SFMBT2: variants seen among roughly 807,000 people sequenced by gnomAD.
The protein encoded by SFMBT2 is Scm like with four mbt domains 2.
In SFMBT2, 38 loss-of-function variants were observed where a neutral mutation model predicts 110.1. That is an observed-to-expected ratio of 0.35 (90% CI 0.27 to 0.45). The LOEUF (loss-of-function observed/expected upper bound fraction) is 0.45, where lower values mean the gene tolerates loss of function less well. SFMBT2 is among the 20% of genes least tolerant of loss of function. The pLI is 1.00. For synonymous variants in SFMBT2, 425 were observed against 425.4 expected (o/e 1.00, Z 0.01); for missense variants, 1,011 against 1,094.9 (o/e 0.92, Z 1.08).
At chr10:7,265,240 C>T (rs1235179508) in intron 7 of SFMBT2, among the ~76,000 whole-genome samples, 1 of 150,008 alleles carries the variant, frequency 6.7e-6, no homozygotes, top group Non-Finnish European at 1.5e-5. Context: ...CTCGCTCTGT[C>T]TCCCAGACTG....
At position 7,170,880 on chromosome 10, in the gene SFMBT2, T is replaced by A. The variant is rs1221775219; in HGVS notation, c.2544+48A>T. The A allele has an allele frequency of 3.1e-6, 5 of 1,611,996 alleles. No individual in the cohort carries two copies. Among genetic ancestry groups the A allele is most frequent in the Non-Finnish European group, 2.5e-6 (3 of 1,178,586 alleles). On this transcript the variant is annotated intron_variant, in intron 20 of 20. Transcript: ENST00000397167. This position sits in a 1 kb window ranked among gnomAD's most constrained non-coding sequence, Gnocchi z 4.6. ...GCTAGGACACGAGGTTCATTTCAGA[T>A]GCAGAGTCTCAGCACATCAAACAAT...
At chr10:7,400,018 T>G (rs1396510441) in intron 1 of SFMBT2, among the ~76,000 whole-genome samples, 3 of 152,152 alleles carry the variant, frequency 2.0e-5, no homozygotes, top group Non-Finnish European at 4.4e-5. Flanking sequence ...CTGTGATGTT[T>G]GACAAGCCGG....
At chr10:7,274,077 C>A (rs749218025) in intron 7 of SFMBT2, among the ~76,000 whole-genome samples, 1 of 152,204 alleles carries the variant, frequency 6.6e-6, no homozygotes, top group Non-Finnish European at 1.5e-5. Context: ...GGCACATATA[C>A]ACCATGGAAT....
At chr10:7,371,461 C>T (rs1440110950) in intron 2 of SFMBT2, among the ~76,000 whole-genome samples, 1 of 152,188 alleles carries the variant, frequency 6.6e-6, no homozygotes, top group African/African-American at 2.4e-5. Context: ...CAAATCCACA[C>T]ACCCAGGCTT....
At chr10:7,318,537 A>G (rs1304554594) in intron 4 of SFMBT2, among the ~76,000 whole-genome samples, 1 of 152,246 alleles carries the variant, frequency 6.6e-6, no homozygotes, top group Non-Finnish European at 1.5e-5. Context: ...GACTTGAATG[A>G]GTGAAATAAC....
At chr10:7,312,343 A>G (rs1227185051) in intron 4 of SFMBT2, among the ~76,000 whole-genome samples, 1 of 152,252 alleles carries the variant, frequency 6.6e-6, no homozygotes, top group African/African-American at 2.4e-5. Flanking sequence ...ACGCAGCCAA[A>G]CTACCAACGG....
chr10:7,251,398 T>C lies in SFMBT2; in HGVS notation c.871-2749A>G, dbSNP rs111391413. 2.5e-3 allele frequency among the ~76,000 whole-genome samples: 386 copies of C among 152,080 alleles called. 1 individual carries two copies. Among genetic ancestry groups the C allele is most frequent in the African/African-American group, 8.6e-3 (358 of 41,494 alleles). ...CAGAGGCAGGACAATCATTTGAGCC[T>C]GGGAGGCAGAGGTTGCAATGAGCCG... On this transcript the variant is annotated intron_variant, in intron 7 of 20. Coordinates refer to ENST00000397167, the MANE Select transcript of SFMBT2 (RefSeq NM_001387889.1).
At chr10:7,231,242 T>C (rs1387400004) in intron 9 of SFMBT2, among the ~76,000 whole-genome samples, 1 of 152,210 alleles carries the variant, frequency 6.6e-6, no homozygotes, top group East Asian at 1.9e-4. Flanking sequence ...AGACGGACTT[T>C]GTTAAAGTCA....
At chr10:7,194,690 A>G (rs2131589302) in intron 15 of SFMBT2, among the ~76,000 whole-genome samples, 1 of 152,216 alleles carries the variant, frequency 6.6e-6, no homozygotes, top group Middle Eastern at 3.4e-3. Context: ...TTTTTCTTGC[A>G]CTCACAGAAC....
intron 4 of SFMBT2, among the ~76,000 whole-genome samples, chr10:7,366,915 C>A (rs1844924197): frequency 6.6e-6 from 1 of 152,174 alleles, no homozygotes; most frequent in Non-Finnish European, 1.5e-5. Flanking sequence ...ACCAAAAATG[C>A]CTCCAGATAT....
chr10:7,177,868 A>AAAAG (rs545651948), intron 16 of SFMBT2, among the ~76,000 whole-genome samples: 4,417 of 151,124 alleles, frequency 0.029, 79 homozygotes, highest in Non-Finnish European at 0.046. Flanking sequence ...TTAAAAAAAA[A>AAAAG]AAGAAGAAGA....
rs1837826002 is a variant in SFMBT2, at chr10:7,170,084, T to G, written c.2544+844A>C. ...CCCTCCTTCTCCCACTAGGCCTAAG[T>G]AAGATCCATGGGCATTATATACAAA... On this transcript the variant is annotated intron_variant, in intron 20 of 20. Coordinates refer to ENST00000397167, the MANE Select transcript of SFMBT2 (RefSeq NM_001387889.1). The surrounding 1 kb of genome is among the most constrained non-coding windows in gnomAD (Gnocchi z 4.6). 6.6e-6 allele frequency among the ~76,000 whole-genome samples: 1 copy of G among 152,118 alleles called. No individual in the cohort carries two copies. Among genetic ancestry groups the G allele is most frequent in the South Asian group, 2.1e-4 (1 of 4,830 alleles).
intron 4 of SFMBT2, among the ~76,000 whole-genome samples, chr10:7,344,545 A>G (rs1021591017): frequency 2.0e-5 from 3 of 152,088 alleles, no homozygotes; most frequent in African/African-American, 7.2e-5. Context: ...TTTTCTATAT[A>G]TATTATCCAG....
At chr10:7,271,740 C>T (rs778847276) in intron 7 of SFMBT2, among the ~76,000 whole-genome samples, 22 of 152,238 alleles carry the variant, frequency 1.4e-4, no homozygotes, top group Non-Finnish European at 2.5e-4. Flanking sequence ...TATAGCTCCA[C>T]ATGGCTGGGG....
At chr10:7,383,015 C>A (rs1370531799) in intron 1 of SFMBT2, among the ~76,000 whole-genome samples, 1 of 152,174 alleles carries the variant, frequency 6.6e-6, no homozygotes, top group East Asian at 1.9e-4. Flanking sequence ...ACCACCACGA[C>A]CACATGGTGT....
chr10:7,355,747 G>A (rs979093993), intron 4 of SFMBT2, among the ~76,000 whole-genome samples: 2 of 152,130 alleles, frequency 1.3e-5, no homozygotes, highest in African/African-American at 4.8e-5. Flanking sequence ...AGGAGGCAGA[G>A]GCTGCAGTAA....
At chr10:7,383,068 G>A (rs1845472267) in intron 1 of SFMBT2, among the ~76,000 whole-genome samples, 1 of 152,246 alleles carries the variant, frequency 6.6e-6, no homozygotes, top group Admixed American at 6.5e-5. Context: ...ATAGAGAGAA[G>A]TTTAAATCAG....
chr10:7,275,895 G>A (rs1194403999), intron 7 of SFMBT2, among the ~76,000 whole-genome samples: 6 of 152,228 alleles, frequency 3.9e-5, no homozygotes, highest in African/African-American at 1.2e-4. Context: ...TCTTCTACAT[G>A]AAACTTGTAC....
At chr10:7,288,741 G>T (rs1437336778) in intron 4 of SFMBT2, among the ~76,000 whole-genome samples, 1 of 152,058 alleles carries the variant, frequency 6.6e-6, no homozygotes, top group African/African-American at 2.4e-5. Flanking sequence ...AAAAAAATTA[G>T]AAACAGCGGC....
Sources: allele counts gnomAD v4.1 joint callset (sites outside exome capture counted in the v4.1 genomes callset), GRCh38; gene constraint gnomAD v4.1.1; non-coding constraint Gnocchi (gnomAD v3.1); transcripts MANE v1.5; gene names NCBI Gene and HGNC (gene_info 2026-07-23, HGNC 2026-07-21).